GPC6: variants seen among roughly 807,000 people sequenced by gnomAD.
GPC6 encodes the protein glypican-6.
Under a neutral mutation model 55.2 loss-of-function variants are expected in GPC6, and 14 were observed. That is an observed-to-expected ratio of 0.25 (90% CI 0.17 to 0.40). The LOEUF is 0.40. Among genes scored for constraint, GPC6 ranks in the 10% least tolerant of loss-of-function variants. The pLI is 1.00. For synonymous variants in GPC6, 278 were observed against 259.6 expected, an observed-to-expected ratio of 1.07 and a Z score of -0.68; for missense variants, 641 against 708.5, an observed-to-expected ratio of 0.90 and a Z score of 1.08.
At chr13:93,895,294 G>T (rs1190075086) in intron 3 of GPC6, among the ~76,000 whole-genome samples, 1 of 128,640 alleles carries the variant, frequency 7.8e-6, no homozygotes, top group African/African-American at 2.9e-5. Context: ...GTTCACACAA[G>T]AATTTATAGT....
At chr13:93,682,862 G>A (rs1433632587) in intron 2 of GPC6, among the ~76,000 whole-genome samples, 6 of 118,564 alleles carry the variant, frequency 5.1e-5, no homozygotes, top group African/African-American at 5.6e-5. Context: ...AAAAAAAAAA[G>A]GGAAAAGTAG....
chr13:94,390,652 C>T (rs2139217890), intron 7 of GPC6, among the ~76,000 whole-genome samples: 1 of 152,296 alleles, frequency 6.6e-6, no homozygotes, highest in East Asian at 1.9e-4. Context: ...CCAATCACCT[C>T]CCACCATCAC....
chr13:94,024,687 G>A (rs1882826521), intron 3 of GPC6, among the ~76,000 whole-genome samples: 1 of 152,016 alleles, frequency 6.6e-6, no homozygotes, highest in South Asian at 2.1e-4. Context: ...TCTGTTGGTT[G>A]CTACCCCGAG....
intron 2 of GPC6, among the ~76,000 whole-genome samples, chr13:93,818,989 A>T (rs1452027556): frequency 6.6e-6 from 1 of 152,176 alleles, no homozygotes; most frequent in African/African-American, 2.4e-5. Context: ...TGGGGAGATC[A>T]GTATACAAGA....
At chr13:93,819,327 T>G (rs1594484825) in intron 2 of GPC6, among the ~76,000 whole-genome samples, 1 of 152,204 alleles carries the variant, frequency 6.6e-6, no homozygotes, top group South Asian at 2.1e-4. Context: ...AATGTTTAGG[T>G]GAAGAAGGAA....
At chr13:93,798,679 G>A (rs926282516) in intron 2 of GPC6, among the ~76,000 whole-genome samples, 5 of 152,118 alleles carry the variant, frequency 3.3e-5, no homozygotes, top group African/African-American at 1.2e-4. Context: ...AGCACTTTGG[G>A]AGGCTGAGGC....
chr13:94,057,755 A>G (rs899536240), intron 4 of GPC6, among the ~76,000 whole-genome samples: 3 of 152,218 alleles, frequency 2.0e-5, no homozygotes, highest in Non-Finnish European at 1.5e-5. Context: ...ATTGGATGAA[A>G]GAGAGTTGAC....
chr13:93,831,544 C>G (rs190731742), intron 3 of GPC6, among the ~76,000 whole-genome samples: 1 of 141,524 alleles, frequency 7.1e-6, no homozygotes, highest in East Asian at 2.2e-4. Flanking sequence ...TTGGTACTGT[C>G]CTACAATGCT....
chr13:93,793,966 C>G (rs1317343571), intron 2 of GPC6, among the ~76,000 whole-genome samples: 1 of 152,128 alleles, frequency 6.6e-6, no homozygotes, highest in Non-Finnish European at 1.5e-5. Context: ...GTTTTTGTCT[C>G]TATTAAACAT....
At chr13:94,321,996 A>G (rs1876850511) in intron 6 of GPC6, among the ~76,000 whole-genome samples, 1 of 152,176 alleles carries the variant, frequency 6.6e-6, no homozygotes, top group African/African-American at 2.4e-5. Flanking sequence ...ACCTAGAAAG[A>G]TTCTCCTTCG....
At chr13:94,033,591 C>G (rs1046580381) in intron 4 of GPC6, among the ~76,000 whole-genome samples, 1 of 152,122 alleles carries the variant, frequency 6.6e-6, no homozygotes, top group South Asian at 2.1e-4. Context: ...GCAGAAGGAA[C>G]GATTTCAAGC....
chr13:94,248,475 G>A (rs1891259779), intron 4 of GPC6, among the ~76,000 whole-genome samples: 1 of 151,886 alleles, frequency 6.6e-6, no homozygotes. Context: ...GTATAATATG[G>A]CCAATGAATA....
In GPC6 at chr13:93,227,683, G is replaced by C; in HGVS notation, c.160+67G>C. On this transcript the variant is annotated intron_variant, in intron 1 of 8. Transcript: ENST00000377047. The surrounding 1 kb of genome is among the most constrained non-coding windows in gnomAD (Gnocchi z 4.3). ...CTGCCGCACGTCCCACTGGCCGCCC[G>C]GCGTCCCCTTCCTTCCCCCTGTTGC... The C allele has an allele frequency of 7.7e-7, 1 of 1,299,548 alleles. No homozygotes were observed. The highest frequency in any genetic ancestry group is 1.1e-6 in the Non-Finnish European group (1 of 936,348). 80.5% of individuals were successfully genotyped at this position (1,299,548 alleles called of 1,614,324 possible). A position where few individuals can be genotyped will look rare whatever the true frequency, so the allele number is the denominator to read the frequency against.
intron 4 of GPC6, among the ~76,000 whole-genome samples, chr13:94,272,458 CTTTTCTTTTTTTTTT>C (rs1892062219): frequency 1.7e-5 from 2 of 115,416 alleles, no homozygotes; most frequent in African/African-American, 7.7e-5. Flanking sequence ...CTTTTCTTTT[CTTTTCTTTTTTTTTT>C]TTTTTTTTTT....
intron 3 of GPC6, 36 bp downstream of exon 3, chr13:93,830,581 C>T (rs571782794): frequency 1.1e-4 from 141 of 1,255,332 alleles, no homozygotes; most frequent in Non-Finnish European, 1.4e-4. Context: ...CATTGGTGTT[C>T]CTTGTTTATT....
intron 1 of GPC6, among the ~76,000 whole-genome samples, chr13:93,414,059 G>A (rs977440245): frequency 6.6e-6 from 1 of 152,132 alleles, no homozygotes; most frequent in Non-Finnish European, 1.5e-5. Context: ...AAAATTAAAA[G>A]ATGAACAGGG....
intron 4 of GPC6, among the ~76,000 whole-genome samples, chr13:94,102,002 ATTTAAAATCTACTT>A (rs1022073144): frequency 1.3e-5 from 2 of 152,166 alleles, no homozygotes; most frequent in African/African-American, 4.8e-5. Flanking sequence ...TGCAAAATGC[ATTTAAAATCTACTT>A]TTTAAAAATG....
chr13:94,357,167 G>T (rs958143031), intron 6 of GPC6, among the ~76,000 whole-genome samples: 15 of 152,254 alleles, frequency 9.9e-5, no homozygotes, highest in Non-Finnish European at 1.6e-4. Flanking sequence ...ATAAAACCCT[G>T]TAGGATCTCC....
chr13:93,900,233 T>A (rs1026630461), intron 3 of GPC6, among the ~76,000 whole-genome samples: 5 of 152,164 alleles, frequency 3.3e-5, no homozygotes, highest in Non-Finnish European at 5.9e-5. Context: ...CTAAAGAGAA[T>A]GAATGGCTTC....
Sources: gnomAD v4.1 joint callset for allele counts (sites outside exome capture counted in the v4.1 genomes callset) on GRCh38, gnomAD v4.1.1 for gene constraint, Gnocchi (gnomAD v3.1) non-coding constraint, MANE v1.5 for transcripts, NCBI Gene and HGNC (gene_info 2026-07-23, HGNC 2026-07-21) for gene names.